The following GABRG3 variants were observed in gnomAD, a reference collection of about 807,000 sequenced individuals.
GABRG3 encodes the protein gamma-aminobutyric acid type A receptor subunit gamma3.
In GABRG3, 25 loss-of-function variants were observed where a neutral mutation model predicts 48.8. The observed-to-expected ratio is 0.51, with a 90% CI of 0.37 to 0.72. GABRG3 has a LOEUF of 0.72. Among genes scored for constraint, GABRG3 ranks in the 30% least tolerant of loss-of-function variants. The pLI, the probability that GABRG3 is intolerant of heterozygous loss-of-function variation, is 0.00. For synonymous variants in GABRG3, 227 were observed against 217.6 expected (o/e 1.04, Z -0.38); for missense variants, 394 against 577.9 (o/e 0.68, Z 3.26).
chr15:27,506,306 G>A (rs1890759263), intron 6 of GABRG3, among the ~76,000 whole-genome samples: 1 of 152,168 alleles, frequency 6.6e-6, no homozygotes, highest in African/African-American at 2.4e-5. Flanking sequence ...ATCTGGGTGG[G>A]CTTTAATTGA....
chr15:27,147,668 A>G (rs1898234400), intron 3 of GABRG3, among the ~76,000 whole-genome samples: 1 of 152,074 alleles, frequency 6.6e-6, no homozygotes, highest in Admixed American at 6.5e-5. Flanking sequence ...AACAACAGAA[A>G]GAAATTTGGA....
intron 5 of GABRG3, among the ~76,000 whole-genome samples, chr15:27,443,655 T>A (rs2140635009): frequency 1.3e-5 from 2 of 152,342 alleles, no homozygotes; most frequent in Non-Finnish European, 2.9e-5. Flanking sequence ...CTTGTCTGAT[T>A]GAACTTTCTA....
At chr15:27,185,382 A>G (rs1427356562) in intron 3 of GABRG3, among the ~76,000 whole-genome samples, 2 of 152,024 alleles carry the variant, frequency 1.3e-5, no homozygotes, top group African/African-American at 4.8e-5. Flanking sequence ...TTGACTCGTT[A>G]TGGTCAAAGA....
Position 27,160,499 on chromosome 15 carries a change from T to G in GABRG3, c.270+133678T>G, listed in dbSNP as rs1887138717. Among the ~76,000 whole-genome samples, 2 of 152,208 alleles carry G rather than the reference T, an allele frequency of 1.3e-5. 1 individual carries two copies. The highest frequency in any genetic ancestry group is 4.1e-4 in the South Asian group (2 of 4,830). ...TTTGATAATTCTTTTATTACTTTTC[T>G]CTTTTATAAGACTTCTCTGTTTGGT... On this transcript the variant is annotated intron_variant, in intron 3 of 9. Coordinates refer to ENST00000615808, the MANE Select transcript of GABRG3 (RefSeq NM_033223.5).
At chr15:27,213,195 C>T (rs1051041618) in intron 3 of GABRG3, among the ~76,000 whole-genome samples, 1 of 152,210 alleles carries the variant, frequency 6.6e-6, no homozygotes, top group Admixed American at 6.5e-5. Context: ...AGGAGAAGTA[C>T]AACTGCCTGG....
intron 6 of GABRG3, among the ~76,000 whole-genome samples, chr15:27,509,958 C>A (rs8030734): frequency 0.6 from 91,302 of 152,084 alleles, 28,207 homozygotes; most frequent in African/African-American, 0.73. Context: ...TACTCAGATA[C>A]ATTTTATGTA....
intron 3 of GABRG3, among the ~76,000 whole-genome samples, chr15:27,193,302 T>A (rs1888389093): frequency 6.6e-6 from 1 of 152,104 alleles, no homozygotes; most frequent in African/African-American, 2.4e-5. Context: ...TTTTTGTTTG[T>A]CTGTGCCCTG....
At chr15:27,238,529 CCTT>C (rs1890043815) in intron 3 of GABRG3, among the ~76,000 whole-genome samples, 1 of 152,306 alleles carries the variant, frequency 6.6e-6, no homozygotes, top group Middle Eastern at 3.4e-3. Context: ...CTGTGTCCCT[CCTT>C]CTCTATTCTG....
rs1469853168 is a variant in GABRG3 at position 27,540,637 on chromosome 15, C to G, written c.*7756C>G. The G allele has an allele frequency of 2.6e-5, 4 of 152,198 alleles. No individual in the cohort carries two copies. The highest frequency in any genetic ancestry group is 5.9e-5 in the Non-Finnish European group (4 of 68,040). 9.4% of individuals were successfully genotyped at this position (152,198 alleles called of 1,614,324 possible). ...TATGTCTAATTTTGTGCTAGTGAAC[C>G]AAGTTTACCTGCTCACACGTTTGTA... On this transcript the variant is annotated 3_prime_UTR_variant, in exon 10 of 10. Transcript: ENST00000615808.
At position 27,464,749 on chromosome 15, in the gene GABRG3, T is replaced by C. The variant is rs547997997; in HGVS notation, c.575-15901T>C. On this transcript the variant is annotated intron_variant, in intron 5 of 9. Coordinates refer to ENST00000615808, the MANE Select transcript of GABRG3 (RefSeq NM_033223.5). ...TTTTCATGCACTTATTACCCATTTG[T>C]ATATCTTCCTTTAAAAAATTCTATT... Among the ~76,000 whole-genome samples, 3 of 152,362 alleles carry C rather than the reference T, an allele frequency of 2.0e-5. No individual in the cohort carries two copies. The East Asian group carries it at 5.8e-4, about 29-fold the overall frequency.
intron 3 of GABRG3, among the ~76,000 whole-genome samples, chr15:27,101,393 A>T (rs28869027): frequency 0.06 from 9,145 of 152,236 alleles, 464 homozygotes; most frequent in African/African-American, 0.14. Context: ...TCCTTACGTG[A>T]TCTGCAGGTT....
At chr15:27,010,615 C>T (rs958359036) in intron 2 of GABRG3, among the ~76,000 whole-genome samples, 2 of 152,156 alleles carry the variant, frequency 1.3e-5, no homozygotes, top group Non-Finnish European at 2.9e-5. Context: ...TCTTGAAGCT[C>T]TTGCCTCCTT....
intron 3 of GABRG3, among the ~76,000 whole-genome samples, chr15:27,109,135 A>G (rs1296476157): frequency 6.6e-6 from 1 of 152,174 alleles, no homozygotes; most frequent in Non-Finnish European, 1.5e-5. Flanking sequence ...CAGAGCATAT[A>G]CTTACCCCAC....
chr15:27,485,467 C>T (rs946027094), intron 6 of GABRG3, among the ~76,000 whole-genome samples: 16 of 152,056 alleles, frequency 1.1e-4, no homozygotes, highest in Admixed American at 1.3e-4. Flanking sequence ...CAGGAGGGGG[C>T]GTCACGGTGA....
intron 5 of GABRG3, among the ~76,000 whole-genome samples, chr15:27,376,942 C>T (rs1482718520): frequency 6.6e-6 from 1 of 152,156 alleles, no homozygotes; most frequent in Admixed American, 6.5e-5. Flanking sequence ...ATTTTCCAAA[C>T]TTTTATGCTC....
chr15:27,004,392 C>T (rs1041392919), intron 2 of GABRG3, among the ~76,000 whole-genome samples: 4 of 151,590 alleles, frequency 2.6e-5, no homozygotes, highest in Non-Finnish European at 5.9e-5. Context: ...GATGTGATGG[C>T]GGCCGGGAAG....
chr15:27,119,280 C>T (rs1037242281), intron 3 of GABRG3, among the ~76,000 whole-genome samples: 2 of 152,158 alleles, frequency 1.3e-5, no homozygotes, highest in Admixed American at 1.3e-4. Flanking sequence ...TTTGGGTCTT[C>T]GTTTATGAAG....
intron 2 of GABRG3, among the ~76,000 whole-genome samples, chr15:27,004,615 G>C (rs1024874554): frequency 7.3e-4 from 111 of 152,336 alleles, no homozygotes; most frequent in African/African-American, 2.4e-3. Flanking sequence ...GGTGGAGGTT[G>C]TAGCCAGCCG....
intron 3 of GABRG3, among the ~76,000 whole-genome samples, chr15:27,226,183 C>T (rs887427768): frequency 6.6e-6 from 1 of 152,002 alleles, no homozygotes; most frequent in African/African-American, 2.4e-5. Context: ...GGGATGAGGA[C>T]CTGGCACTCC....
Sources: gnomAD v4.1 joint callset for allele counts (sites outside exome capture counted in the v4.1 genomes callset) on GRCh38, gnomAD v4.1.1 for gene constraint, MANE v1.5 for transcripts, NCBI Gene and HGNC (gene_info 2026-07-23, HGNC 2026-07-21) for gene names.